The following ATG16L1 variants were observed in gnomAD, a reference collection of about 807,000 sequenced individuals.
ATG16L1 encodes autophagy-related protein 16-1.
ATG16L1 carries 37 observed loss-of-function variants against 88.5 expected under a neutral mutation model. The observed-to-expected ratio is 0.42, with a 90% CI of 0.32 to 0.55. The LOEUF is 0.55. ATG16L1 is among the 20% of genes least tolerant of loss of function. ATG16L1 has a pLI of 0.13. For missense variants in ATG16L1, 554 were observed against 752.8 expected (o/e 0.74, Z 3.09); for synonymous variants, 301 against 281.0 (o/e 1.07, Z -0.71).
At chr2:233,281,061 C>T (rs749526818) in intron 10 of ATG16L1, 44 bp from the exon 11 acceptor site, 22 of 1,331,668 alleles carry the variant, frequency 1.7e-5, no homozygotes, top group Non-Finnish European at 2.0e-5. Context: ...TATTTATTGG[C>T]TTTATTTAAC....
intron 10 of ATG16L1, among the ~76,000 whole-genome samples, chr2:233,279,024 A>G (rs1475461459): frequency 6.6e-6 from 1 of 152,186 alleles, no homozygotes; most frequent in Admixed American, 6.5e-5. Flanking sequence ...AAAAAATATT[A>G]AAAAGTAGCT....
At chr2:233,266,776 A>T (rs1426884156) in intron 5 of ATG16L1, among the ~76,000 whole-genome samples, 1 of 152,250 alleles carries the variant, frequency 6.6e-6, no homozygotes, top group Non-Finnish European at 1.5e-5. Flanking sequence ...CTGTACACAC[A>T]CACAATGGAA....
chr2:233,273,253 G>A (rs1231152396), intron 7 of ATG16L1: 1 of 559,952 alleles, frequency 1.8e-6, no homozygotes, highest in Non-Finnish European at 3.2e-6. Context: ...GAACACGGGT[G>A]GCTTCAAATG....
At chr2:233,263,094 G>A in intron 2 of ATG16L1, 36 bp from the exon 3 acceptor site, 1 of 1,563,326 alleles carries the variant, frequency 6.4e-7, no homozygotes. Flanking sequence ...TCCGTTTTTT[G>A]CACATTCTCT....
chr2:233,263,334 C>T (rs1457095110), intron 3 of ATG16L1, 99 bp downstream of exon 3: 10 of 1,090,534 alleles, frequency 9.2e-6, no homozygotes, highest in Non-Finnish European at 1.2e-5. Flanking sequence ...TGGCAGCAGC[C>T]TTAGCCATAT....
At chr2:233,281,010 T>A in intron 10 of ATG16L1, 95 bp from the exon 11 acceptor site, 1 of 714,386 alleles carries the variant, frequency 1.4e-6, no homozygotes, top group Non-Finnish European at 2.4e-6. Context: ...GTTTTAGCAG[T>A]GTAATTGGCT....
At chr2:233,265,760 G>A (rs547953299) in intron 5 of ATG16L1, among the ~76,000 whole-genome samples, 3 of 152,100 alleles carry the variant, frequency 2.0e-5, no homozygotes, top group Non-Finnish European at 4.4e-5. Context: ...GAGCCCCACC[G>A]CCTGGCCATT....
intron 14 of ATG16L1, among the ~76,000 whole-genome samples, chr2:233,291,403 A>G (rs765941300): frequency 6.6e-6 from 1 of 152,224 alleles, no homozygotes; most frequent in Non-Finnish European, 1.5e-5. Flanking sequence ...CTGAGTCCCA[A>G]GGAAGTGGAG....
chr2:233,273,075 G>A, intron 7 of ATG16L1, 23 bp downstream of exon 7: 6 of 1,598,282 alleles, frequency 3.8e-6, no homozygotes, highest in Non-Finnish European at 5.1e-6. Context: ...GTTTGGGCCA[G>A]GGAAAAGACA....
Position 233,273,762 on chromosome 2 carries a change from T to C in ATG16L1, c.836T>C (p.Ile279Thr), listed in dbSNP as rs1280346591. Residue 279 changes from isoleucine (I) to threonine (T), a missense_variant, in exon 8 of 18, where the codon ATC becomes ACC. By Grantham distance (89) the Ile-to-Thr change is moderately conservative (BLOSUM62 -1). Around this residue, in one of 5 missense-constraint regions of ATG16L1, gnomAD observed 370 missense variants for 509.7 expected, o/e 0.73. Coordinates refer to ENST00000392017, the MANE Select transcript of ATG16L1 (RefSeq NM_030803.7). ...SQPAGGLLDSITNIFGRRSVS... is the reference protein window; with the variant it reads ...SQPAGGLLDSTTNIFGRRSVS... ...CCTGCTGGAGGCCTTCTGGATTCTATCACTAATATCTTTGGGTAGGTTAGA... is the reference window on the plus strand; with the variant it reads ...CCTGCTGGAGGCCTTCTGGATTCTACCACTAATATCTTTGGGTAGGTTAGA... 6.2e-6 allele frequency: 10 copies of C among 1,614,090 alleles called. No homozygotes were observed. Among genetic ancestry groups the C allele is most frequent in the Admixed American group, 1.7e-5 (1 of 60,006 alleles).
Position 233,277,684 on chromosome 2 carries a change from G to A in ATG16L1, c.1060+11G>A. On this transcript the variant is annotated intron_variant, in intron 10 of 17. Coordinates refer to ENST00000392017, the MANE Select transcript of ATG16L1 (RefSeq NM_030803.7). ...GGGAAGTATTTGGAGGTGAGAGCCT[G>A]CTGCATGTTCTCAGACTGAAAACTT... 1.2e-6 allele frequency: 2 copies of A among 1,610,100 alleles called. No individual in the cohort carries two copies. Among genetic ancestry groups the A allele is most frequent in the Non-Finnish European group, 1.7e-6 (2 of 1,176,504 alleles).
intron 8 of ATG16L1, chr2:233,274,074 T>C: frequency 2.0e-6 from 3 of 1,535,400 alleles, no homozygotes; most frequent in Non-Finnish European, 2.6e-6. Context: ...GTCCAGCATG[T>C]GAGTGTGGGT....
rs375037649 is a variant in ATG16L1 at position 233,277,519 on chromosome 2, C to T, written c.955-49C>T. On this transcript the variant is annotated intron_variant, in intron 9 of 17. Transcript: ENST00000392017. The stretch of plus-strand genomic sequence containing the variant: ...ATTTGGAGTGTTCGCGCATCTTGAG[C>T]TCTTGGGATGAGAATGACTGGGTTT... 2.4e-5 allele frequency: 38 copies of T among 1,553,792 alleles called. No homozygotes were observed. In the African/African-American group the frequency reaches 4.9e-4, roughly 20 times the overall value.
chr2:233,292,572 T>G (rs1474389942), intron 16 of ATG16L1, 138 bp downstream of exon 16: 4 of 1,018,072 alleles, frequency 3.9e-6, no homozygotes, highest in Non-Finnish European at 5.9e-6. Context: ...AAGTTCATAA[T>G]TGCAGGCCAC....
chr2:233,287,805 G>A (rs1699184317), intron 12 of ATG16L1, among the ~76,000 whole-genome samples: 1 of 152,212 alleles, frequency 6.6e-6, no homozygotes, highest in Non-Finnish European at 1.5e-5. Context: ...TTAAACCTGG[G>A]AGGCGGAGGT....
In ATG16L1 at chr2:233,270,016, G is replaced by T. The variant is rs115732365; in HGVS notation, c.656G>T (p.Arg219Leu). ...NEKDSRRRQARLQKELAEAAK... is the reference protein window; with the variant it reads ...NEKDSRRRQALLQKELAEAAK... ...TTTCCCAACAGGAGGCGGCAAGCCC[G>T]GCTGCAGAAAGAGCTTGCAGAAGCA... Residue 219 changes from arginine to leucine, a missense_variant, in exon 6 of 18, where the codon CGG becomes CTG. By Grantham distance (102) the Arg-to-Leu change is moderately radical. This residue lies in a region of ATG16L1 where 370 missense variants were observed against 509.7 expected (regional missense o/e 0.73). Transcript: ENST00000392017. 11 of 1,575,030 alleles carry T rather than the reference G, an allele frequency of 7.0e-6. No individual in the cohort carries two copies. The Admixed American group carries it at 2.1e-4, about 30-fold the overall frequency.
rs777897598 is a variant in ATG16L1, at chr2:233,277,584, A to C, written c.971A>C (p.Glu324Ala). The stretch of plus-strand genomic sequence containing the variant: ...GTCTTGCAGGATGCACATGATGGGG[A>C]AGTCAACGCTGTGCAGTTCAGTCCA... ...ALCVFDAHDG[E>A]VNAVQFSPGS... Residue 324 changes from glutamate to alanine, a missense_variant, in exon 10 of 18, where the codon GAA (glutamate) becomes GCA (alanine). Glu to Ala is a moderately radical substitution (Grantham distance 107, BLOSUM62 -1). Coordinates refer to ENST00000392017, the MANE Select transcript of ATG16L1 (RefSeq NM_030803.7). 1.2e-6 allele frequency: 2 copies of C among 1,613,876 alleles called. No individual in the cohort carries two copies. The highest frequency in any genetic ancestry group is 8.5e-7 in the Non-Finnish European group (1 of 1,179,906).
intron 12 of ATG16L1, chr2:233,288,750 C>G (rs780575951): frequency 7.7e-6 from 4 of 518,720 alleles, no homozygotes; most frequent in African/African-American, 1.9e-5. Flanking sequence ...AGCTGCCTCT[C>G]CTCCATCGCA....
At chr2:233,291,537 C>A (rs1020422755) in intron 14 of ATG16L1, among the ~76,000 whole-genome samples, 1 of 152,166 alleles carries the variant, frequency 6.6e-6, no homozygotes, top group Non-Finnish European at 1.5e-5. Flanking sequence ...GTCAGCACCC[C>A]CTTTGGCTAT....
Sources: gnomAD v4.1 joint callset for allele counts (sites outside exome capture counted in the v4.1 genomes callset) on GRCh38, gnomAD v4.1.1 for gene constraint, gnomAD v4.1.1 regional missense constraint, MANE v1.5 for transcripts, NCBI Gene and HGNC (gene_info 2026-07-23, HGNC 2026-07-21) for gene names.